Variants in C2CD3 observed in about 807,000 individuals in gnomAD.
C2CD3 encodes C2 domain containing 3 centriole elongation regulator, also known as C2 domain-containing protein 3.
A neutral mutation model predicts 234.0 loss-of-function variants in C2CD3; 148 were observed. The observed-to-expected ratio is 0.63, with a 90% CI of 0.55 to 0.72. C2CD3 has a LOEUF of 0.72. C2CD3 is among the 30% of genes least tolerant of loss of function. The pLI, the probability that C2CD3 is intolerant of heterozygous loss-of-function variation, is 0.00. For missense variants in C2CD3, 2,577 were observed against 2,811.5 expected, an observed-to-expected ratio of 0.92 and a Z score of 1.89; for synonymous variants, 1,000 against 1,035.4, an observed-to-expected ratio of 0.97 and a Z score of 0.66.
In C2CD3 at chr11:74,117,028, A is replaced by ATGTATATATACGTGTGTG. The variant is rs1555048200; in HGVS notation, c.1520+1182_1520+1199dup. Among the ~76,000 whole-genome samples, 105 of 104,796 alleles carry ATGTATATATACGTGTGTG rather than the reference A, an allele frequency of 1.0e-3. 5 individuals are homozygous for ATGTATATATACGTGTGTG. The highest frequency in any genetic ancestry group is 1.8e-3 in the Non-Finnish European group (91 of 51,260). The allele number at this position is 104,796 out of a possible 152,430, so 68.8% of individuals were successfully genotyped here. On this transcript the variant is annotated intron_variant, in intron 9 of 32. Transcript: ENST00000334126. ...TATATATACACATATATACGTGTAT[A>ATGTATATATACGTGTGTG]TGTATATATACGTGTGTGTGTATAT...
chr11:74,115,142 G>T (rs1288107635), intron 9 of C2CD3, among the ~76,000 whole-genome samples: 2 of 151,158 alleles, frequency 1.3e-5, no homozygotes, highest in African/African-American at 4.9e-5. Context: ...AGGGTAATTT[G>T]AATCTATGCT....
intron 28 of C2CD3, among the ~76,000 whole-genome samples, chr11:74,045,888 G>T (rs1428340890): frequency 6.6e-6 from 1 of 151,892 alleles, no homozygotes; most frequent in Non-Finnish European, 1.5e-5. Flanking sequence ...TTCATTTTTG[G>T]TTATTCATTG....
rs1057198361 is a variant in C2CD3, at chr11:74,033,698, A to G, written c.6462T>C (p.Cys2154=). The G allele has an allele frequency of 2.0e-6, 3 of 1,536,322 alleles. No individual in the cohort carries two copies. Among genetic ancestry groups the G allele is most frequent in the Non-Finnish European group, 2.6e-6 (3 of 1,146,938 alleles). ...CCCTGGCCTTAGAGGCCTCACACTC[A>G]CAAGCAACAAGACTTTGGCTAGGAG... ...QGSPSQSLVA[C]ECEASKARVG... Residue 2154 remains cysteine, a synonymous_variant, in exon 31 of 33, where the codon TGT becomes TGC. Coordinates refer to ENST00000334126, the MANE Select transcript of C2CD3 (RefSeq NM_001286577.2).
chr11:74,013,404 T>G lies in C2CD3; in HGVS notation c.7043A>C (p.Gln2348Pro), dbSNP rs1189741399. 43 of 1,211,798 alleles carry G rather than the reference T, an allele frequency of 3.5e-5. No homozygotes were observed. Among genetic ancestry groups the G allele is most frequent in the Non-Finnish European group, 4.6e-5 (42 of 916,740 alleles). 75.1% of individuals were successfully genotyped at this position (1,211,798 alleles called of 1,614,324 possible). A position where few individuals can be genotyped will look rare whatever the true frequency, so the allele number is the denominator to read the frequency against. ...GCTGCGTCAGTCTTTCTGGGAGTAC[T>G]GAGAAGAAAATATCCGTGCAATCCT... The part of the protein sequence containing the change: ...TLRIARIFSS[Q>P]YSQKD Residue 2348 changes from glutamine (Q) to proline (P), a missense_variant, in exon 33 of 33, where the codon CAG becomes CCG. Physicochemically the swap from Gln to Pro is moderately conservative, Grantham distance 76. Coordinates refer to ENST00000334126, the MANE Select transcript of C2CD3 (RefSeq NM_001286577.2).
At position 74,170,902 on chromosome 11, in the gene C2CD3, TGGGCA is replaced by T; in HGVS notation, c.-115_-111del. On this transcript the variant is annotated 5_prime_UTR_variant, in exon 1 of 33. Transcript: ENST00000334126. ...TGCGTTCCCCGGCAACCGGCGCCGC[TGGGCA>T]GCCTGGGAGGCAGGAAAAAGCGACT... is the stretch of plus-strand genomic sequence containing the variant. The T allele has an allele frequency of 6.8e-7, 1 of 1,469,740 alleles. No homozygotes were observed. The highest frequency in any genetic ancestry group is 9.1e-7 in the Non-Finnish European group (1 of 1,097,500). 91.0% of individuals were successfully genotyped at this position (1,469,740 alleles called of 1,614,324 possible). A position where few individuals can be genotyped will look rare whatever the true frequency, so the allele number is the denominator to read the frequency against.
chr11:74,089,992 G>C (rs1349904818), intron 20 of C2CD3, among the ~76,000 whole-genome samples: 2 of 152,292 alleles, frequency 1.3e-5, no homozygotes, highest in Admixed American at 1.3e-4. Flanking sequence ...GTAAGGGAAA[G>C]GGCTGTGCTG....
At chr11:74,107,145 A>AAC (rs985932985) in intron 12 of C2CD3, among the ~76,000 whole-genome samples, 3 of 152,126 alleles carry the variant, frequency 2.0e-5, no homozygotes, top group African/African-American at 7.2e-5. Flanking sequence ...AACATGGTGA[A>AAC]ACCCCCGTCT....
At chr11:74,071,630 G>A (rs1186536798) in intron 24 of C2CD3, among the ~76,000 whole-genome samples, 3 of 152,164 alleles carry the variant, frequency 2.0e-5, no homozygotes. Flanking sequence ...GGGGATACAG[G>A]GAATAACCCT....
At chr11:74,144,636 T>C (rs1010588926) in intron 3 of C2CD3, among the ~76,000 whole-genome samples, 19 of 152,246 alleles carry the variant, frequency 1.2e-4, no homozygotes, top group African/African-American at 4.1e-4. Flanking sequence ...CCAGTGTCTA[T>C]TGTTCCTCTA....
rs775418961 is a variant in C2CD3 at position 74,133,004 on chromosome 11, T to C, written c.1089-32A>G. The C allele has an allele frequency of 3.5e-5, 57 of 1,608,010 alleles. No individual in the cohort carries two copies. The African/African-American group carries it at 6.2e-4, about 17-fold the overall frequency. ...TGTGGAAAAATACTTTCTCACTGAGTGGCTAACAGATGGAAAAAATCTAAA... is the reference window on the plus strand; with the variant it reads ...TGTGGAAAAATACTTTCTCACTGAGCGGCTAACAGATGGAAAAAATCTAAA... On this transcript the variant is annotated intron_variant, in intron 6 of 32. Transcript: ENST00000334126.
intron 3 of C2CD3, among the ~76,000 whole-genome samples, chr11:74,149,595 AAC>A (rs1453494044): frequency 1.3e-5 from 2 of 149,684 alleles, no homozygotes; most frequent in Admixed American, 1.3e-4. Flanking sequence ...GGTGTTTTGT[AAC>A]TTTTTTTTTT....
intron 26 of C2CD3, 34 bp from the exon 27 acceptor site, chr11:74,049,576 CT>C: frequency 6.4e-7 from 1 of 1,558,394 alleles, no homozygotes; most frequent in Non-Finnish European, 8.8e-7. Flanking sequence ...GGCAATGTGG[CT>C]AGGCATGTCC....
intron 24 of C2CD3, among the ~76,000 whole-genome samples, chr11:74,073,627 CCCT>C (rs1464278652): frequency 6.6e-6 from 1 of 151,714 alleles, no homozygotes; most frequent in African/African-American, 2.4e-5. Context: ...AAAAAAACCC[CCCT>C]AACTATTGTA....
rs145343753 is a variant in C2CD3, at chr11:74,085,724, T to G, written c.3804A>C (p.Thr1268=). Residue 1268 remains threonine, a synonymous_variant, in exon 21 of 33, where the codon ACA becomes ACC. Transcript: ENST00000334126. The stretch of plus-strand genomic sequence containing the variant: ...TACAGTGCTGAGTCACCAAGTTACA[T>G]GTGAACTCAACGTGATGGGAGAACT... The part of the protein sequence containing the change: ...CPEFSHHVEF[T]CNLVTQHCSG... 9 of 1,614,126 alleles carry G rather than the reference T, an allele frequency of 5.6e-6. No individual in the cohort carries two copies. Among genetic ancestry groups the G allele is most frequent in the East Asian group, 2.2e-5 (1 of 44,868 alleles).
chr11:74,108,343 A>G (rs1956611672), intron 12 of C2CD3, among the ~76,000 whole-genome samples: 1 of 152,112 alleles, frequency 6.6e-6, no homozygotes, highest in Non-Finnish European at 1.5e-5. Flanking sequence ...AAAAAATAAA[A>G]GAAAACAAGA....
At position 74,033,407 on chromosome 11, in the gene C2CD3, G is replaced by A; in HGVS notation, c.6753C>T (p.Ile2251=). The A allele has an allele frequency of 1.3e-6, 2 of 1,536,168 alleles. No homozygotes were observed. Among genetic ancestry groups the A allele is most frequent in the Non-Finnish European group, 1.7e-6 (2 of 1,146,896 alleles). Residue 2251 remains isoleucine, a synonymous_variant, in exon 31 of 33, where the codon ATC becomes ATT. Coordinates refer to ENST00000334126, the MANE Select transcript of C2CD3 (RefSeq NM_001286577.2). Reference sequence around the variant, plus strand: ...ATCCAGTTGTCACCTGCCTCTGCCTGATGTCAGAGGAGTCGATGGGTGGTC... The same window carrying A: ...ATCCAGTTGTCACCTGCCTCTGCCTAATGTCAGAGGAGTCGATGGGTGGTC... The part of the protein sequence containing the change: ...HKGPPIDSSD[I]RQRQVTTGSE...
chr11:74,127,802 A>G (rs1957463989), intron 7 of C2CD3, among the ~76,000 whole-genome samples: 1 of 151,904 alleles, frequency 6.6e-6, no homozygotes, highest in Admixed American at 6.6e-5. Context: ...GGTGTGAAGT[A>G]GTATCTCATT....
intron 6 of C2CD3, 23 bp from the exon 7 acceptor site, chr11:74,132,995 C>G (rs780798289): frequency 1.4e-5 from 22 of 1,611,388 alleles, no homozygotes; most frequent in Non-Finnish European, 1.8e-5. Flanking sequence ...AAAATACTTT[C>G]TCACTGAGTG....
In C2CD3 at chr11:74,049,471, C is replaced by A. The variant is rs1064793399; in HGVS notation, c.5227G>T (p.Gly1743Cys). ...CTGAAGTCTGTGATGTTGTACCAGC[C>A]ACAGACAAACTGGAAGCCAGAGAGA... ...PLLSGFQFVC[G>C]WYNITDFSGE... The change falls in exon 27 of 33, where the codon GGC (glycine) becomes TGC (cysteine). Residue 1743 changes from glycine to cysteine, a missense_variant. Physicochemically the swap from Gly to Cys is radical, Grantham distance 159 (BLOSUM62 -3). Transcript: ENST00000334126. The A allele has an allele frequency of 2.5e-6, 4 of 1,613,476 alleles. No individual in the cohort carries two copies. Among genetic ancestry groups the A allele is most frequent in the Non-Finnish European group, 2.5e-6 (3 of 1,180,012 alleles).
Sources: gnomAD v4.1 joint callset for allele counts (sites outside exome capture counted in the v4.1 genomes callset) on GRCh38, gnomAD v4.1.1 for gene constraint, MANE v1.5 for transcripts, NCBI Gene and HGNC (gene_info 2026-07-23, HGNC 2026-07-21) for gene names.